GRIK1: variants seen among roughly 807,000 people sequenced by gnomAD.
The protein encoded by GRIK1 is glutamate ionotropic receptor kainate type subunit 1, also known as glutamate receptor ionotropic, kainate 1.
Under a neutral mutation model 105.7 loss-of-function variants are expected in GRIK1, and 69 were observed. The observed-to-expected ratio is 0.65, with a 90% CI of 0.54 to 0.80. The LOEUF is 0.80. GRIK1 is among the 30% of genes least tolerant of loss of function. GRIK1 has a pLI of 0.00. For synonymous variants in GRIK1, 438 were observed against 431.3 expected, an observed-to-expected ratio of 1.02 and a Z score of -0.19; for missense variants, 1,109 against 1,167.3, an observed-to-expected ratio of 0.95 and a Z score of 0.73.
intron 1 of GRIK1, among the ~76,000 whole-genome samples, chr21:29,797,021 C>A (rs1181845271): frequency 2.6e-5 from 4 of 151,750 alleles, no homozygotes; most frequent in African/African-American, 2.4e-5. Flanking sequence ...GTTTCTAATG[C>A]GTTAGTACAA....
At chr21:29,580,097 ATG>A (rs1241489502) in intron 13 of GRIK1, among the ~76,000 whole-genome samples, 1 of 144,876 alleles carries the variant, frequency 6.9e-6, no homozygotes. Context: ...GTGTATATAT[ATG>A]TGTGTATATA....
At chr21:29,923,549 A>G (rs964075538) in intron 1 of GRIK1, among the ~76,000 whole-genome samples, 24 of 152,220 alleles carry the variant, frequency 1.6e-4, no homozygotes, top group African/African-American at 5.8e-4. Flanking sequence ...CCTTTCTCTC[A>G]GAAAAAAAGG....
intron 1 of GRIK1, among the ~76,000 whole-genome samples, chr21:29,883,503 C>T (rs1003561460): frequency 3.3e-5 from 5 of 151,986 alleles, no homozygotes; most frequent in Non-Finnish European, 7.4e-5. Context: ...CTGAGGTCCC[C>T]TGTTTGCCAC....
intron 16 of GRIK1, chr21:29,553,513 C>T: frequency 6.8e-7 from 1 of 1,470,126 alleles, no homozygotes; most frequent in South Asian, 1.4e-5. Flanking sequence ...TTAGCAAAAA[C>T]ATTTTCTACT....
intron 1 of GRIK1, among the ~76,000 whole-genome samples, chr21:29,792,915 T>C (rs1391501091): frequency 1.3e-5 from 2 of 152,218 alleles, no homozygotes; most frequent in East Asian, 3.8e-4. Context: ...TTAATTAGCT[T>C]CCTCAGAATA....
chr21:29,552,435 G>A (rs560943114), intron 16 of GRIK1, among the ~76,000 whole-genome samples: 41 of 152,190 alleles, frequency 2.7e-4, no homozygotes, highest in African/African-American at 9.4e-4. Flanking sequence ...CACTTTGAAT[G>A]CAGATGGAAA....
intron 1 of GRIK1, among the ~76,000 whole-genome samples, chr21:29,848,792 T>TTTTC (rs1237013113): frequency 3.5e-5 from 5 of 144,720 alleles, no homozygotes; most frequent in South Asian, 4.3e-4. Flanking sequence ...TTTTTTTTTT[T>TTTTC]CCACGATCTT....
rs545441780 is a variant in GRIK1, at chr21:29,869,462, A to G, written c.118+69921T>C. Among the ~76,000 whole-genome samples the G allele has an allele frequency of 2.8e-3, 424 of 152,340 alleles. 3 individuals are homozygous for G. Among genetic ancestry groups the G allele is most frequent in the African/African-American group, 9.4e-3 (389 of 41,580 alleles). ...AAAGAGTTTGCTCTGGAATAATGAAATAGGAAAGCATTGATATTGATTGTG... is the reference window on the plus strand; with the variant it reads ...AAAGAGTTTGCTCTGGAATAATGAAGTAGGAAAGCATTGATATTGATTGTG... On this transcript the variant is annotated intron_variant, in intron 1 of 17. Transcript: ENST00000327783.
intron 1 of GRIK1, among the ~76,000 whole-genome samples, chr21:29,831,513 C>T (rs2067638289): frequency 6.6e-6 from 1 of 152,134 alleles, no homozygotes; most frequent in African/African-American, 2.4e-5. Context: ...GGGGAAGCCT[C>T]AGGAAACTTT....
intron 5 of GRIK1, among the ~76,000 whole-genome samples, chr21:29,653,586 G>A (rs2062784934): frequency 6.6e-6 from 1 of 152,194 alleles, no homozygotes; most frequent in Non-Finnish European, 1.5e-5. Flanking sequence ...GAGGCAGATG[G>A]CCATGTCACC....
chr21:29,580,828 G>A (rs1186499678), intron 13 of GRIK1, among the ~76,000 whole-genome samples: 1 of 151,786 alleles, frequency 6.6e-6, no homozygotes, highest in Non-Finnish European at 1.5e-5. Flanking sequence ...CACTACAAAA[G>A]CAGAATCCCC....
At chr21:29,620,126 T>C (rs57669456) in intron 7 of GRIK1, among the ~76,000 whole-genome samples, 1 of 152,368 alleles carries the variant, frequency 6.6e-6, no homozygotes, top group African/African-American at 2.4e-5. Context: ...AAGCCTATGA[T>C]GTTAAGAAGT....
chr21:29,851,247 G>T (rs894567545), intron 1 of GRIK1, among the ~76,000 whole-genome samples: 1 of 152,002 alleles, frequency 6.6e-6, no homozygotes, highest in African/African-American at 2.4e-5. Flanking sequence ...TAGAGTCAGG[G>T]TTTCACCACG....
At chr21:29,680,550 G>T (rs1164854269) in intron 3 of GRIK1, among the ~76,000 whole-genome samples, 1 of 152,174 alleles carries the variant, frequency 6.6e-6, no homozygotes, top group Admixed American at 6.5e-5. Flanking sequence ...CTTATCTGAG[G>T]TTTTGCTTTC....
intron 1 of GRIK1, among the ~76,000 whole-genome samples, chr21:29,728,778 A>G (rs1422129737): frequency 6.6e-6 from 1 of 152,218 alleles, no homozygotes; most frequent in African/African-American, 2.4e-5. Flanking sequence ...ACAAGGGAAG[A>G]TAAAACAATA....
chr21:29,709,796 C>T (rs116504864), intron 1 of GRIK1, among the ~76,000 whole-genome samples: 441 of 151,642 alleles, frequency 2.9e-3, no homozygotes, highest in African/African-American at 0.01. Flanking sequence ...ATGTGTGTGT[C>T]TATTTACATT....
At chr21:29,866,750 A>G (rs2068816711) in intron 1 of GRIK1, among the ~76,000 whole-genome samples, 1 of 152,230 alleles carries the variant, frequency 6.6e-6, no homozygotes, top group Non-Finnish European at 1.5e-5. Flanking sequence ...ACAAAATTCA[A>G]ATGATGTTTT....
chr21:29,669,053 AG>A (rs1477974292), intron 4 of GRIK1, among the ~76,000 whole-genome samples: 1 of 152,226 alleles, frequency 6.6e-6, no homozygotes, highest in Non-Finnish European at 1.5e-5. Flanking sequence ...TTCATATGAA[AG>A]CCCTATCTTC....
intron 1 of GRIK1, among the ~76,000 whole-genome samples, chr21:29,766,988 G>A (rs76283215): frequency 1.6e-3 from 245 of 152,268 alleles, no homozygotes; most frequent in African/African-American, 5.7e-3. Context: ...TAGTAAAATA[G>A]GAGTGCACTT....
Sources: allele counts gnomAD v4.1 joint callset (sites outside exome capture counted in the v4.1 genomes callset), GRCh38; gene constraint gnomAD v4.1.1; transcripts MANE v1.5; gene names NCBI Gene and HGNC (gene_info 2026-07-23, HGNC 2026-07-21).